The following NRG1 variants were observed in gnomAD, a reference collection of about 807,000 sequenced individuals.
NRG1 encodes pro-neuregulin-1, membrane-bound isoform.
A neutral mutation model predicts 63.8 loss-of-function variants in NRG1; 18 were observed. The ratio of observed to expected loss-of-function variants is 0.28; its 90% confidence interval spans 0.19 to 0.42. The LOEUF (loss-of-function observed/expected upper bound fraction) is 0.42. Among genes scored for constraint, NRG1 ranks in the 10% least tolerant of loss-of-function variants. The probability of loss-of-function intolerance (pLI) is 1.00; values close to 1 mark genes in which losing one functional copy is unlikely to be tolerated. For missense variants in NRG1, 762 were observed against 814.7 expected (o/e 0.94, Z 0.79); for synonymous variants, 302 against 301.3 (o/e 1.00, Z -0.02).
At chr8:31,858,255 C>T (rs754526324) in intron 1 of NRG1, among the ~76,000 whole-genome samples, 15 of 151,238 alleles carry the variant, frequency 9.9e-5, no homozygotes, top group East Asian at 9.7e-4. Flanking sequence ...GCTGAGATGG[C>T]GCCACTGCAC....
At chr8:32,032,600 TC>T (rs1818436125) in intron 1 of NRG1, among the ~76,000 whole-genome samples, 1 of 152,224 alleles carries the variant, frequency 6.6e-6, no homozygotes, top group Non-Finnish European at 1.5e-5. Context: ...TCTGTTCATG[TC>T]CTTTGCCCAC....
At chr8:32,614,724 T>A (rs1469546184) in intron 4 of NRG1, among the ~76,000 whole-genome samples, 160 bp downstream of exon 4, 1 of 152,122 alleles carries the variant, frequency 6.6e-6, no homozygotes. Context: ...CTTTTTGGAT[T>A]TTACTTAAGG....
At chr8:31,681,442 C>A (rs1808331689) in intron 1 of NRG1, among the ~76,000 whole-genome samples, 1 of 151,858 alleles carries the variant, frequency 6.6e-6, no homozygotes, top group African/African-American at 2.4e-5. Context: ...CATTAGCAAT[C>A]AAAGAAGCTT....
chr8:32,222,864 T>C (rs1845969218), intron 1 of NRG1, among the ~76,000 whole-genome samples: 1 of 152,208 alleles, frequency 6.6e-6, no homozygotes, highest in Non-Finnish European at 1.5e-5. Flanking sequence ...CTTCACAGTC[T>C]TGCCTGTTTT....
At chr8:31,873,419 C>A (rs1295959377) in intron 1 of NRG1, among the ~76,000 whole-genome samples, 3 of 152,036 alleles carry the variant, frequency 2.0e-5, no homozygotes, top group Non-Finnish European at 2.9e-5. Context: ...ATTAGCCGGG[C>A]GTGGTGGCGT....
intron 1 of NRG1, among the ~76,000 whole-genome samples, chr8:31,899,893 T>C (rs1309029861): frequency 6.6e-6 from 1 of 152,198 alleles, no homozygotes; most frequent in Non-Finnish European, 1.5e-5. Flanking sequence ...GACTACATTC[T>C]TTCTACTGAC....
At position 32,323,262 on chromosome 8, in the gene NRG1, G is replaced by C. The variant is rs1801623356; in HGVS notation, c.38-272566G>C. ...AAAGTTTAATTTTCCCTTTCCAAAAGCAATGTACTTGAAATTCCTATTCTT... is the reference window on the plus strand; with the variant it reads ...AAAGTTTAATTTTCCCTTTCCAAAACCAATGTACTTGAAATTCCTATTCTT... On this transcript the variant is annotated intron_variant, in intron 1 of 10. Transcript: ENST00000519301. Among the ~76,000 whole-genome samples, 4 of 152,238 alleles carry C rather than the reference G, an allele frequency of 2.6e-5. No homozygotes were observed. The South Asian group carries it at 8.3e-4, about 32-fold the overall frequency.
At chr8:32,764,798 A>G (rs1831293360) in exon 12 of NRG1, 1 of 162,062 alleles carries the variant, frequency 6.2e-6, no homozygotes, top group South Asian at 1.7e-4. Context: ...TGCTTGTAGT[A>G]GCACCCGATC....
intron 1 of NRG1, among the ~76,000 whole-genome samples, chr8:32,395,744 T>C (rs1812360757): frequency 6.6e-6 from 1 of 152,158 alleles, no homozygotes; most frequent in Non-Finnish European, 1.5e-5. Flanking sequence ...TCTGTTGAAG[T>C]GTAGTTTATC....
chr8:31,949,782 T>C (rs1007477971), intron 1 of NRG1, among the ~76,000 whole-genome samples: 5 of 152,208 alleles, frequency 3.3e-5, no homozygotes, highest in African/African-American at 1.2e-4. Context: ...AGACTCGAAG[T>C]GCATAAAATA....
intron 1 of NRG1, among the ~76,000 whole-genome samples, chr8:32,487,222 C>CA (rs1384980497): frequency 4.0e-5 from 6 of 149,454 alleles, no homozygotes; most frequent in Non-Finnish European, 7.4e-5. Flanking sequence ...CCACAAAAAA[C>CA]AAAAAAAGCA....
Position 32,352,212 on chromosome 8 carries a change from A to G in NRG1, c.38-243616A>G, listed in dbSNP as rs553578876. 2.6e-5 allele frequency among the ~76,000 whole-genome samples: 4 copies of G among 150,948 alleles called. No homozygotes were observed. In the East Asian group the frequency reaches 7.9e-4, roughly 30 times the overall value. On this transcript the variant is annotated intron_variant, in intron 1 of 10. Coordinates refer to the NRG1 transcript ENST00000519301. Reference sequence around the variant, plus strand: ...GTGTCAGGGACACTGGCCTTACTGAAGTAGAGGCCCATTTTGGAGAATAGT... The same window carrying G: ...GTGTCAGGGACACTGGCCTTACTGAGGTAGAGGCCCATTTTGGAGAATAGT...
intron 1 of NRG1, among the ~76,000 whole-genome samples, chr8:32,267,162 G>A (rs60920281): frequency 0.18 from 25,831 of 145,892 alleles, 2,321 homozygotes; most frequent in East Asian, 0.23. Context: ...AAAGAAGGAA[G>A]GAGAAAGAAG....
chr8:31,863,719 T>C (rs540599015), intron 1 of NRG1, among the ~76,000 whole-genome samples: 2 of 152,340 alleles, frequency 1.3e-5, no homozygotes, highest in South Asian at 4.1e-4. Flanking sequence ...CTTTCCCTTC[T>C]TTATCCAATT....
At chr8:32,536,419 G>C (rs138921277) in intron 1 of NRG1, among the ~76,000 whole-genome samples, 2 of 152,156 alleles carry the variant, frequency 1.3e-5, no homozygotes, top group African/African-American at 4.8e-5. Flanking sequence ...TTTCTCTTCA[G>C]GAAAGGTTCA....
chr8:32,537,621 G>T (rs1023383239), intron 1 of NRG1, among the ~76,000 whole-genome samples: 1 of 152,188 alleles, frequency 6.6e-6, no homozygotes, highest in African/African-American at 2.4e-5. Flanking sequence ...AGTCAGGGGA[G>T]AGTGGCAACT....
In NRG1 at chr8:32,591,811, G is replaced by A. The variant is rs532118897; in HGVS notation, c.101-4017G>A. Among the ~76,000 whole-genome samples, 8 of 152,166 alleles carry A rather than the reference G, an allele frequency of 5.3e-5. No homozygotes were observed. The East Asian group carries it at 7.7e-4, about 15-fold the overall frequency. On this transcript the variant is annotated intron_variant, in intron 1 of 11. Transcript: ENST00000356819. ...CTTGAGAGCGGAGGGTGAGAAGAACGTGACGATTGAAAAACTGCCAGTTGG... is the reference window on the plus strand; with the variant it reads ...CTTGAGAGCGGAGGGTGAGAAGAACATGACGATTGAAAAACTGCCAGTTGG...
intron 1 of NRG1, among the ~76,000 whole-genome samples, chr8:32,474,820 T>A (rs2129491429): frequency 6.6e-6 from 1 of 152,144 alleles, no homozygotes; most frequent in Non-Finnish European, 1.5e-5. Flanking sequence ...CCTGTTTTTA[T>A]GGTTGCAATT....
intron 1 of NRG1, among the ~76,000 whole-genome samples, chr8:32,320,336 A>T (rs565657471): frequency 3.2e-4 from 48 of 152,220 alleles, no homozygotes; most frequent in African/African-American, 1.1e-3. Context: ...TTATCCTGCT[A>T]ATTTTTGTTT....
Sources: allele counts gnomAD v4.1 joint callset (sites outside exome capture counted in the v4.1 genomes callset), GRCh38; gene constraint gnomAD v4.1.1; transcripts MANE v1.5; gene names NCBI Gene and HGNC (gene_info 2026-07-23, HGNC 2026-07-21).